The following ENTPD7 variants were observed in gnomAD, a reference collection of about 807,000 sequenced individuals.
ENTPD7 encodes the protein NTPDase 7.
Under a neutral mutation model 77.9 loss-of-function variants are expected in ENTPD7, and 53 were observed. That is an observed-to-expected ratio of 0.68 (90% CI 0.55 to 0.85). The LOEUF is 0.85. ENTPD7 is among the 40% of genes least tolerant of loss of function. The pLI is 0.00. For missense variants in ENTPD7, 636 were observed against 743.7 expected (o/e 0.86, Z 1.68); for synonymous variants, 248 against 274.9 (o/e 0.90, Z 0.97).
At chr10:99,679,651 G>C in intron 4 of ENTPD7, 74 bp from the exon 5 acceptor site, 2 of 1,525,928 alleles carry the variant, frequency 1.3e-6, no homozygotes, top group Non-Finnish European at 1.8e-6. Flanking sequence ...AACTTTATAG[G>C]GTATCAGTTT....
chr10:99,688,721 T>G lies in ENTPD7; in HGVS notation c.680T>G (p.Phe227Cys). The G allele has an allele frequency of 6.2e-7, 1 of 1,613,964 alleles. No individual in the cohort carries two copies. Among genetic ancestry groups the G allele is most frequent in the Non-Finnish European group, 8.5e-7 (1 of 1,179,898 alleles). ...EGVYAWIGIN[F>C]VLGRFDHEDE... ...GTTTATGCATGGATTGGAATCAACT[T>G]TGTTTTGGGAAGATTCGACCACGAG... Residue 227 changes from phenylalanine (F) to cysteine (C), a missense_variant, in exon 7 of 13, where the codon TTT becomes TGT. Transcript: ENST00000370489.
Position 99,704,603 on chromosome 10 carries a change from C to T in ENTPD7, c.1735C>T (p.Gln579Ter), listed in dbSNP as rs200382880. 1.1e-5 allele frequency: 18 copies of T among 1,614,054 alleles called. No homozygotes were observed. The highest frequency in any genetic ancestry group is 1.5e-5 in the Non-Finnish European group (18 of 1,180,042). Residue 579 changes from glutamine to a stop codon, truncating the protein, a stop_gained, in exon 13 of 13, where the codon CAA (glutamine) becomes TAA (stop). Coordinates refer to ENST00000370489, the MANE Select transcript of ENTPD7 (RefSeq NM_020354.5). LOFTEE classifies it high-confidence loss of function. The stretch of plus-strand genomic sequence containing the variant: ...GCGGCTACGCCGAATTCACCACCGA[C>T]AAACACGAGCCTCAGCTCCATTGGA... ...LLRLRRIHHR[Q>*]TRASAPLDLL...
chr10:99,710,772 C>T lies in ENTPD7; in HGVS notation c.*6089C>T, dbSNP rs572392805. 2.0e-6 allele frequency: 2 copies of T among 983,820 alleles called. No individual in the cohort carries two copies. Among genetic ancestry groups the T allele is most frequent in the African/African-American group, 1.8e-5 (1 of 56,708 alleles). The allele number at this position is 983,820 out of a possible 1,614,324, so 60.9% of individuals were successfully genotyped here. ...TGATTATCAGTGTTGATCTCTGCAA[C>T]CAACATTGCTTTAGGGAGTTGCTAG... On this transcript the variant is annotated 3_prime_UTR_variant, in exon 13 of 13. Transcript: ENST00000370489.
intron 3 of ENTPD7, among the ~76,000 whole-genome samples, chr10:99,678,193 G>T (rs2035708254): frequency 6.6e-6 from 1 of 151,950 alleles, no homozygotes; most frequent in Admixed American, 6.6e-5. Context: ...TTTAGGCCAG[G>T]CGCGGTGGCT....
intron 2 of ENTPD7, among the ~76,000 whole-genome samples, chr10:99,661,010 C>T (rs968383918): frequency 4.6e-5 from 7 of 152,044 alleles, no homozygotes; most frequent in Non-Finnish European, 1.0e-4. Context: ...TTTCACTATA[C>T]AATATATCCT....
intron 3 of ENTPD7, among the ~76,000 whole-genome samples, chr10:99,668,718 T>C (rs936724221): frequency 6.6e-6 from 1 of 152,192 alleles, no homozygotes; most frequent in Non-Finnish European, 1.5e-5. Context: ...TATTTAAAAT[T>C]TTGATGAAAT....
rs1191640959 is a variant in ENTPD7, at chr10:99,709,833, C to T, written c.*5150C>T. On this transcript the variant is annotated 3_prime_UTR_variant, in exon 13 of 13. Coordinates refer to ENST00000370489, the MANE Select transcript of ENTPD7 (RefSeq NM_020354.5). The stretch of plus-strand genomic sequence containing the variant: ...TCATTATTTTCCAGTTTGTCAGTAC[C>T]GTTATCAGAGGGACGAGGAAGGAAT... 4.1e-6 allele frequency: 4 copies of T among 985,050 alleles called. No homozygotes were observed. The highest frequency in any genetic ancestry group is 3.5e-5 in the African/African-American group (2 of 57,192). 61.0% of individuals were successfully genotyped at this position (985,050 alleles called of 1,614,324 possible).
intron 9 of ENTPD7, 141 bp from the exon 10 acceptor site, chr10:99,698,393 G>A: frequency 2.6e-6 from 2 of 760,764 alleles, no homozygotes; most frequent in Middle Eastern, 2.7e-4. Flanking sequence ...TTTATGTGAT[G>A]AAATTGCACT....
chr10:99,670,539 T>TA (rs777391515), intron 3 of ENTPD7, among the ~76,000 whole-genome samples: 2 of 152,200 alleles, frequency 1.3e-5, no homozygotes, highest in Non-Finnish European at 2.9e-5. Context: ...ATAGAATACT[T>TA]ACACAAACCT....
Position 99,704,737 on chromosome 10 carries a change from T to C in ENTPD7, c.*54T>C. ...CACCCCCGAGTTGCTGCTCATTGAA[T>C]TCCTCCACTTTCTTATATAGCCTCA... On this transcript the variant is annotated 3_prime_UTR_variant, in exon 13 of 13. Coordinates refer to ENST00000370489, the MANE Select transcript of ENTPD7 (RefSeq NM_020354.5). 1.3e-6 allele frequency: 2 copies of C among 1,486,394 alleles called. No individual in the cohort carries two copies. Among genetic ancestry groups the C allele is most frequent in the Non-Finnish European group, 1.8e-6 (2 of 1,085,240 alleles). 92.1% of individuals were successfully genotyped at this position (1,486,394 alleles called of 1,614,324 possible).
chr10:99,660,543 C>A, intron 2 of ENTPD7: 1 of 348,536 alleles, frequency 2.9e-6, no homozygotes, highest in South Asian at 2.1e-5. Flanking sequence ...CACACACACA[C>A]ACACACACAC....
intron 3 of ENTPD7, among the ~76,000 whole-genome samples, chr10:99,664,051 G>C (rs1373401638): frequency 1.3e-5 from 2 of 151,492 alleles, no homozygotes; most frequent in African/African-American, 2.4e-5. Flanking sequence ...TTAATCTACT[G>C]TTCTATCCAG....
intron 7 of ENTPD7, 98 bp from the exon 8 acceptor site, chr10:99,691,287 T>G (rs1263570753): frequency 7.5e-7 from 1 of 1,332,954 alleles, no homozygotes; most frequent in African/African-American, 1.5e-5. Context: ...CCATGGCACC[T>G]GCCTGCTTTC....
intron 12 of ENTPD7, among the ~76,000 whole-genome samples, chr10:99,703,724 A>T (rs1253370559): frequency 1.3e-5 from 2 of 151,734 alleles, no homozygotes; most frequent in African/African-American, 2.4e-5. Context: ...TTTATTTTTT[A>T]TTATTTTTTT....
chr10:99,689,380 C>A (rs2035852845), intron 7 of ENTPD7, among the ~76,000 whole-genome samples: 1 of 152,066 alleles, frequency 6.6e-6, no homozygotes, highest in African/African-American at 2.4e-5. Flanking sequence ...ACCTTACCAC[C>A]TCACTCCCCT....
In ENTPD7 at chr10:99,705,993, C is replaced by T. The variant is rs909714694; in HGVS notation, c.*1310C>T. ...GAATCTTTCTTATATTTTACCCTTT[C>T]CTACATGTAGCCTTGAATGTCCTTT... On this transcript the variant is annotated 3_prime_UTR_variant, in exon 13 of 13. Transcript: ENST00000370489. 2 of 152,208 alleles carry T rather than the reference C, an allele frequency of 1.3e-5. No individual in the cohort carries two copies. The highest frequency in any genetic ancestry group is 2.4e-5 in the African/African-American group (1 of 41,452). 9.4% of individuals were successfully genotyped at this position (152,208 alleles called of 1,614,324 possible). A position where few individuals can be genotyped will look rare whatever the true frequency, so the allele number is the denominator to read the frequency against.
At chr10:99,698,266 T>G (rs981767930) in intron 9 of ENTPD7, among the ~76,000 whole-genome samples, 2 of 152,204 alleles carry the variant, frequency 1.3e-5, no homozygotes, top group Non-Finnish European at 2.9e-5. Flanking sequence ...AACAGCAGAT[T>G]CACATCTCCA....
intron 10 of ENTPD7, 85 bp from the exon 11 acceptor site, chr10:99,700,888 T>C (rs749392872): frequency 1.8e-6 from 2 of 1,127,846 alleles, no homozygotes; most frequent in South Asian, 2.6e-5. Context: ...CAAGTAACTT[T>C]AGAAATGGAA....
intron 8 of ENTPD7, 92 bp downstream of exon 8, chr10:99,691,610 C>A: frequency 7.1e-7 from 1 of 1,400,642 alleles, no homozygotes; most frequent in Non-Finnish European, 9.7e-7. Flanking sequence ...ACCTACCTGG[C>A]TCTAAATATT....
Sources: allele counts gnomAD v4.1 joint callset (sites outside exome capture counted in the v4.1 genomes callset), GRCh38; gene constraint gnomAD v4.1.1; transcripts MANE v1.5; gene names NCBI Gene and HGNC (gene_info 2026-07-23, HGNC 2026-07-21).